The following NECAB1 variants were observed in gnomAD, a reference collection of about 807,000 sequenced individuals.
NECAB1 encodes N-terminal EF-hand calcium binding protein 1.
NECAB1 carries 29 observed loss-of-function variants against 57.5 expected under a neutral mutation model. The ratio of observed to expected loss-of-function variants is 0.50; its 90% CI spans 0.38 to 0.69. NECAB1 has a LOEUF of 0.69. Ranked by LOEUF, NECAB1 falls within the 30% of genes least tolerant of loss-of-function variation. The pLI is 0.00. For missense variants in NECAB1, 372 were observed against 413.8 expected (o/e 0.90, Z 0.88); for synonymous variants, 142 against 147.7 (o/e 0.96, Z 0.28).
intron 5 of NECAB1, among the ~76,000 whole-genome samples, chr8:90,906,125 G>A (rs1809638631): frequency 6.6e-6 from 1 of 152,066 alleles, no homozygotes; most frequent in Non-Finnish European, 1.5e-5. Context: ...TAAATCATTG[G>A]GGATTTGATG....
At chr8:90,863,617 G>A (rs1310026043) in intron 3 of NECAB1, among the ~76,000 whole-genome samples, 2 of 152,046 alleles carry the variant, frequency 1.3e-5, no homozygotes, top group East Asian at 3.8e-4. Context: ...GCCAAAACAA[G>A]CCATTTTATA....
chr8:90,800,210 G>T (rs573882099), intron 1 of NECAB1, among the ~76,000 whole-genome samples: 138 of 152,268 alleles, frequency 9.1e-4, no homozygotes, highest in African/African-American at 3.2e-3. Context: ...TTTTGGTGGA[G>T]TCTTTGAGTT....
chr8:90,943,055 C>G (rs1563544286), intron 10 of NECAB1, among the ~76,000 whole-genome samples: 1 of 151,952 alleles, frequency 6.6e-6, no homozygotes, highest in African/African-American at 2.4e-5. Context: ...AAAAAAGGCG[C>G]ACAAGTTTAT....
intron 6 of NECAB1, among the ~76,000 whole-genome samples, chr8:90,923,680 T>A (rs1810186916): frequency 6.6e-6 from 1 of 152,200 alleles, no homozygotes; most frequent in South Asian, 2.1e-4. Flanking sequence ...AAGTTTTCAA[T>A]ACCTTCAAAA....
intron 2 of NECAB1, among the ~76,000 whole-genome samples, chr8:90,819,755 T>C (rs1427987717): frequency 6.6e-6 from 1 of 151,926 alleles, no homozygotes; most frequent in African/African-American, 2.4e-5. Context: ...ATGCTCTTAG[T>C]TGAGGAAGAA....
At chr8:90,845,241 C>T (rs1029631088) in intron 3 of NECAB1, among the ~76,000 whole-genome samples, 1 of 152,172 alleles carries the variant, frequency 6.6e-6, no homozygotes, top group Admixed American at 6.5e-5. Context: ...GGCACAGTGA[C>T]CAAGCCAAGC....
At chr8:90,952,553 C>T (rs1335046969) in intron 12 of NECAB1, among the ~76,000 whole-genome samples, 1 of 151,866 alleles carries the variant, frequency 6.6e-6, no homozygotes, top group Non-Finnish European at 1.5e-5. Context: ...CTGAGGTGGG[C>T]GGATCACAAG....
At chr8:90,887,211 T>C (rs997899) in intron 5 of NECAB1, among the ~76,000 whole-genome samples, 80,015 of 152,022 alleles carry the variant, frequency 0.53, 24,611 homozygotes, top group African/African-American at 0.83. Flanking sequence ...AGTTGACCAG[T>C]CTGTATATAG....
intron 3 of NECAB1, among the ~76,000 whole-genome samples, chr8:90,834,047 C>T (rs1176597783): frequency 6.6e-6 from 1 of 151,666 alleles, no homozygotes; most frequent in Non-Finnish European, 1.5e-5. Context: ...CCTGTAATCC[C>T]AGCTACTTGG....
intron 3 of NECAB1, among the ~76,000 whole-genome samples, chr8:90,866,911 G>A (rs144389383): frequency 9.2e-5 from 14 of 152,210 alleles, no homozygotes; most frequent in South Asian, 2.1e-4. Context: ...GGTATATACC[G>A]AAAGGATTGT....
At chr8:90,927,544 G>C (rs1810303304) in intron 7 of NECAB1, among the ~76,000 whole-genome samples, 1 of 150,698 alleles carries the variant, frequency 6.6e-6, no homozygotes, top group African/African-American at 2.4e-5. Flanking sequence ...TCTTCCCTTT[G>C]CATAACAATG....
At chr8:90,907,151 T>TGTGA (rs1341940094) in intron 5 of NECAB1, among the ~76,000 whole-genome samples, 47 of 102,094 alleles carry the variant, frequency 4.6e-4, no homozygotes, top group South Asian at 9.5e-4. Flanking sequence ...TGTGTGTGTG[T>TGTGA]GAGAGAGAGA....
intron 2 of NECAB1, 84 bp from the exon 3 acceptor site, chr8:90,824,633 C>T (rs577701602): frequency 2.5e-6 from 2 of 808,876 alleles, no homozygotes; most frequent in East Asian, 2.8e-5. Context: ...CATGAACAAG[C>T]GTTTGGGTGA....
At chr8:90,795,479 A>T (rs1198252282) in intron 1 of NECAB1, among the ~76,000 whole-genome samples, 1 of 152,144 alleles carries the variant, frequency 6.6e-6, no homozygotes, top group East Asian at 1.9e-4. Context: ...ATGCACACTC[A>T]TGTACACTCT....
intron 2 of NECAB1, among the ~76,000 whole-genome samples, chr8:90,804,003 A>G (rs1811808260): frequency 6.6e-6 from 1 of 152,132 alleles, no homozygotes; most frequent in Non-Finnish European, 1.5e-5. Context: ...TTTGGCACAT[A>G]TTGATTATTG....
chr8:90,873,552 A>G (rs1207724462), intron 4 of NECAB1, among the ~76,000 whole-genome samples: 1 of 152,240 alleles, frequency 6.6e-6, no homozygotes. Context: ...TCATTAAGGT[A>G]GCAGACCCAT....
chr8:90,792,300 A>C (rs1302609653), intron 1 of NECAB1, among the ~76,000 whole-genome samples: 4 of 152,216 alleles, frequency 2.6e-5, no homozygotes, highest in Non-Finnish European at 5.9e-5. Flanking sequence ...AAGAGGCACA[A>C]GGTGTGGGGG....
chr8:90,850,862 TTATGGTAA>T (rs747942537), intron 3 of NECAB1, among the ~76,000 whole-genome samples: 24 of 152,188 alleles, frequency 1.6e-4, no homozygotes, highest in Admixed American at 1.1e-3. Context: ...CTTTTGTTAT[TTATGGTAA>T]GCCCCTTTCA....
intron 1 of NECAB1, among the ~76,000 whole-genome samples, chr8:90,799,957 T>C (rs904023493): frequency 6.6e-6 from 1 of 152,232 alleles, no homozygotes; most frequent in African/African-American, 2.4e-5. Context: ...TTTCCCCATT[T>C]GTTTCTGTCA....
Sources: allele counts gnomAD v4.1 joint callset (sites outside exome capture counted in the v4.1 genomes callset), GRCh38; gene constraint gnomAD v4.1.1; transcripts MANE v1.5; gene names NCBI Gene and HGNC (gene_info 2026-07-23, HGNC 2026-07-21).